The following CNIH3 variants were observed in gnomAD, a reference collection of about 807,000 sequenced individuals.
The protein encoded by CNIH3 is protein cornichon homolog 3.
CNIH3 carries 14 observed loss-of-function variants against 24.1 expected under a neutral mutation model. That is an observed-to-expected ratio of 0.58 (90% CI 0.38 to 0.91). The LOEUF is 0.91. Among genes scored for constraint, CNIH3 ranks in the 40% least tolerant of loss-of-function variants. The probability of loss-of-function intolerance (pLI) is 0.00; values close to 1 mark genes in which losing one functional copy is unlikely to be tolerated. For synonymous variants in CNIH3, 68 were observed against 73.8 expected (o/e 0.92, Z 0.40); for missense variants, 178 against 196.8 (o/e 0.90, Z 0.57).
intron 1 of CNIH3, among the ~76,000 whole-genome samples, chr1:224,466,466 G>T (rs1050656142): frequency 6.6e-6 from 1 of 152,164 alleles, no homozygotes; most frequent in South Asian, 2.1e-4. Context: ...AGTATCTGTG[G>T]TATGGATGTA....
At chr1:224,626,211 C>T (rs1572612075) in intron 1 of CNIH3, among the ~76,000 whole-genome samples, 1 of 152,184 alleles carries the variant, frequency 6.6e-6, no homozygotes, top group East Asian at 1.9e-4. Flanking sequence ...CTCAGATCTG[C>T]AGGGTTGGAA....
At chr1:224,455,344 T>C (rs1238534652) in intron 1 of CNIH3, among the ~76,000 whole-genome samples, 1 of 152,062 alleles carries the variant, frequency 6.6e-6, no homozygotes, top group East Asian at 1.9e-4. Flanking sequence ...GAATCCACCC[T>C]CCTCCTCCTC....
At chr1:224,711,610 C>T (rs1688152831) in intron 3 of CNIH3, among the ~76,000 whole-genome samples, 2 of 151,642 alleles carry the variant, frequency 1.3e-5, no homozygotes, top group Admixed American at 6.6e-5. Context: ...GCCTGGGCAA[C>T]ATGGCAAAAC....
intron 3 of CNIH3, among the ~76,000 whole-genome samples, chr1:224,726,819 G>A (rs1436229606): frequency 2.0e-5 from 3 of 151,986 alleles, no homozygotes; most frequent in Non-Finnish European, 2.9e-5. Context: ...GCTGTGGCTT[G>A]CATGAAATAG....
intron 5 of CNIH3, among the ~76,000 whole-genome samples, chr1:224,584,363 T>C (rs1301861362): frequency 6.6e-6 from 1 of 152,232 alleles, no homozygotes; most frequent in Non-Finnish European, 1.5e-5. Flanking sequence ...GACAATATTA[T>C]GCCTGGCAGT....
intron 3 of CNIH3, among the ~76,000 whole-genome samples, chr1:224,600,534 T>C (rs1197992016): frequency 6.6e-6 from 1 of 152,116 alleles, no homozygotes; most frequent in African/African-American, 2.4e-5. Flanking sequence ...CGCTCTGTTG[T>C]CCAGGCTGGA....
rs760876793 is a variant in CNIH3 at position 224,734,641 on chromosome 1, C to T, written c.390C>T (p.Tyr130=). The change falls in exon 5 of 6, where the codon TAC becomes TAT. Residue 130 remains tyrosine, a synonymous_variant. Transcript: ENST00000272133. The stretch of plus-strand genomic sequence containing the variant: ...TCATGAATGCCGACACTTTGAGTTA[C>T]TGTCAGAAGGAGGCCTGGTGTAAGC... The part of the protein sequence containing the change: ...PVVMNADTLS[Y]CQKEAWCKLA... 2.2e-5 allele frequency: 36 copies of T among 1,614,106 alleles called. No individual in the cohort carries two copies. The highest frequency in any genetic ancestry group is 3.1e-5 in the Non-Finnish European group (36 of 1,179,926).
intron 3 of CNIH3, among the ~76,000 whole-genome samples, chr1:224,687,541 T>A (rs1264012943): frequency 6.6e-6 from 1 of 152,202 alleles, no homozygotes; most frequent in African/African-American, 2.4e-5. Context: ...CCCAGCTTGC[T>A]TTCTTTCTTT....
At chr1:224,672,840 A>C (rs1685936245) in intron 1 of CNIH3, among the ~76,000 whole-genome samples, 1 of 152,210 alleles carries the variant, frequency 6.6e-6, no homozygotes, top group African/African-American at 2.4e-5. Context: ...ATGAGCACAG[A>C]ACTGGGTGAG....
At chr1:224,697,069 A>G (rs897195980) in intron 3 of CNIH3, among the ~76,000 whole-genome samples, 20 of 152,178 alleles carry the variant, frequency 1.3e-4, no homozygotes, top group Admixed American at 1.0e-3. Flanking sequence ...CACAAATACC[A>G]TGGGCTATGA....
intron 3 of CNIH3, among the ~76,000 whole-genome samples, chr1:224,556,716 C>T (rs926476341): frequency 6.6e-6 from 1 of 152,190 alleles, no homozygotes; most frequent in African/African-American, 2.4e-5. Context: ...ACTGATCTGA[C>T]AGGAGGCAGA....
chr1:224,694,372 G>A (rs1238300826), intron 3 of CNIH3, among the ~76,000 whole-genome samples: 3 of 152,150 alleles, frequency 2.0e-5, no homozygotes, highest in Non-Finnish European at 4.4e-5. Context: ...AACTGTCAGG[G>A]ACTTTAGGTT....
intron 1 of CNIH3, among the ~76,000 whole-genome samples, chr1:224,639,701 G>A (rs919442417): frequency 1.3e-5 from 2 of 152,188 alleles, no homozygotes; most frequent in African/African-American, 2.4e-5. Flanking sequence ...ACTGAACTCT[G>A]TCTGTCATTC....
chr1:224,725,237 C>T (rs188599260), intron 3 of CNIH3, among the ~76,000 whole-genome samples: 1 of 152,248 alleles, frequency 6.6e-6, no homozygotes, highest in East Asian at 1.9e-4. Context: ...TAATAATGAT[C>T]ACAACACAAT....
intron 1 of CNIH3, among the ~76,000 whole-genome samples, chr1:224,618,974 T>A (rs1198117923): frequency 3.3e-5 from 5 of 152,256 alleles, no homozygotes; most frequent in Non-Finnish European, 5.9e-5. Context: ...CCTCTGCTAA[T>A]GTGCTTTAAA....
At chr1:224,666,824 C>A (rs1398045890) in intron 1 of CNIH3, among the ~76,000 whole-genome samples, 1 of 152,182 alleles carries the variant, frequency 6.6e-6, no homozygotes, top group African/African-American at 2.4e-5. Context: ...ATTCTAGATC[C>A]CCCAACGGTA....
chr1:224,708,508 C>T (rs574838271), intron 3 of CNIH3, among the ~76,000 whole-genome samples: 16 of 152,334 alleles, frequency 1.1e-4, no homozygotes, highest in South Asian at 4.1e-4. Context: ...TCCCCGCCTG[C>T]GCTTCCTGAC....
At chr1:224,525,167 CAT>C (rs1410894104) in intron 2 of CNIH3, among the ~76,000 whole-genome samples, 1 of 152,222 alleles carries the variant, frequency 6.6e-6, no homozygotes, top group Non-Finnish European at 1.5e-5. Flanking sequence ...CTTGAGATCA[CAT>C]GAGTTGGGTT....
chr1:224,589,775 C>A (rs1298015683), downstream of CNIH3, among the ~76,000 whole-genome samples: 1 of 152,162 alleles, frequency 6.6e-6, no homozygotes, highest in Non-Finnish European at 1.5e-5. Flanking sequence ...AAAAGTGGAG[C>A]CCAGGGCAGG....
Sources: gnomAD v4.1 joint callset for allele counts (sites outside exome capture counted in the v4.1 genomes callset) on GRCh38, gnomAD v4.1.1 for gene constraint, MANE v1.5 for transcripts, NCBI Gene and HGNC (gene_info 2026-07-23, HGNC 2026-07-21) for gene names.